Variants in ERMARD observed in about 807,000 individuals in gnomAD.
The protein encoded by ERMARD is endoplasmic reticulum membrane-associated RNA degradation protein.
Under a neutral mutation model 83.9 loss-of-function variants are expected in ERMARD, and 71 were observed. The observed-to-expected ratio is 0.85, with a 90% CI of 0.70 to 1.03. The LOEUF (loss-of-function observed/expected upper bound fraction) is 1.03. Ranked by LOEUF, ERMARD falls within the 50% of genes least tolerant of loss-of-function variation. The probability of loss-of-function intolerance (pLI) is 0.00; values close to 1 mark genes in which losing one functional copy is unlikely to be tolerated. For missense variants in ERMARD, 838 were observed against 810.9 expected, an observed-to-expected ratio of 1.03 and a Z score of -0.41; for synonymous variants, 284 against 298.6, an observed-to-expected ratio of 0.95 and a Z score of 0.50.
intron 9 of ERMARD, among the ~76,000 whole-genome samples, chr6:169,765,026 T>C (rs116875984): frequency 0.022 from 3,428 of 152,372 alleles, 55 homozygotes; most frequent in Non-Finnish European, 0.035. Context: ...CTGCTGCCCA[T>C]GCCCAGTGCC....
intron 11 of ERMARD, 103 bp from the exon 12 acceptor site, chr6:169,769,437 A>G (rs1039156313): frequency 8.7e-5 from 96 of 1,101,448 alleles, no homozygotes; most frequent in Non-Finnish European, 1.1e-4. Context: ...CCAGGGCTTC[A>G]GAGGACTTGA....
rs879599168 is a variant in ERMARD, at chr6:169,776,498, A to G, written c.1564A>G (p.Thr522Ala). 2 of 1,613,866 alleles carry G rather than the reference A, an allele frequency of 1.2e-6. No homozygotes were observed. Among genetic ancestry groups the G allele is most frequent in the Middle Eastern group, 3.3e-4 (2 of 6,062 alleles). ...TGAGCTCTGCAGCACACCTGTTCCC[A>G]CCCTGTTCTGCCCCAGGATTGTGCT... ...LRELCSTPVPTLFCPRIVLEV... is the reference protein window; with the variant it reads ...LRELCSTPVPALFCPRIVLEV... Residue 522 changes from threonine (T) to alanine (A), a missense_variant, in exon 16 of 18, where the codon ACC (threonine) becomes GCC (alanine). Physicochemically the swap from Thr to Ala is moderately conservative, Grantham distance 58 (BLOSUM62 0). Transcript: ENST00000366773.
Position 169,760,630 on chromosome 6 carries a change from G to A in ERMARD, c.743-12G>A. On this transcript the variant is annotated splice_polypyrimidine_tract_variant and intron_variant, in intron 7 of 17. Transcript: ENST00000366773. ...AGTATGATTGTGTTTAAAACCGTGTGTTATTTTACAGATGTTACTTATGAG... is the reference window on the plus strand; with the variant it reads ...AGTATGATTGTGTTTAAAACCGTGTATTATTTTACAGATGTTACTTATGAG... 2 of 1,545,748 alleles carry A rather than the reference G, an allele frequency of 1.3e-6. No individual in the cohort carries two copies. Among genetic ancestry groups the A allele is most frequent in the South Asian group, 1.1e-5 (1 of 89,052 alleles).
chr6:169,759,409 C>A (rs559648475), intron 6 of ERMARD, among the ~76,000 whole-genome samples: 1 of 151,974 alleles, frequency 6.6e-6, no homozygotes. Context: ...ATTCCTACAT[C>A]GAGAGAATTT....
rs570599031 is a variant in ERMARD at position 169,751,862 on chromosome 6, C to G, written c.6+199C>G. ...ACGCTCGGCCCTGCAAGACGCCTGGCGGGCCCTGCCGGCCTCCCTGGGCCA... is the reference window on the plus strand; with the variant it reads ...ACGCTCGGCCCTGCAAGACGCCTGGGGGGCCCTGCCGGCCTCCCTGGGCCA... On this transcript the variant is annotated intron_variant, in intron 1 of 17. Coordinates refer to ENST00000366773, the MANE Select transcript of ERMARD (RefSeq NM_018341.3). The G allele has an allele frequency of 1.6e-4, 116 of 734,734 alleles. No homozygotes were observed. In the African/African-American group the frequency reaches 2.0e-3, roughly 13 times the overall value. The allele number at this position is 734,734 out of a possible 1,614,324, so 45.5% of individuals were successfully genotyped here.
At chr6:169,751,443 G>C, upstream of ERMARD, 1 of 1,613,998 alleles carries the variant, frequency 6.2e-7, no homozygotes, top group Admixed American at 1.7e-5. Flanking sequence ...TTCACGCCTC[G>C]GCCTCGCTTC....
chr6:169,775,772 G>A (rs548218065), intron 14 of ERMARD, 168 bp from the exon 15 acceptor site: 17 of 869,582 alleles, frequency 2.0e-5, no homozygotes, highest in East Asian at 1.9e-4. Flanking sequence ...ATATGGCATC[G>A]TTTGTTTCTC....
chr6:169,772,769 T>C (rs1415114365), intron 12 of ERMARD, among the ~76,000 whole-genome samples: 2 of 62,488 alleles, frequency 3.2e-5, no homozygotes, highest in Non-Finnish European at 5.0e-5. Flanking sequence ...AGACTCTGTC[T>C]CAAAAAAAAA....
chr6:169,774,973 G>A (rs1039226108), intron 13 of ERMARD, among the ~76,000 whole-genome samples: 2 of 152,162 alleles, frequency 1.3e-5, no homozygotes, highest in African/African-American at 2.4e-5. Context: ...CAGGCCAGTC[G>A]CCAGAGCTCG....
intron 2 of ERMARD, among the ~76,000 whole-genome samples, chr6:169,754,288 G>A (rs1229516053): frequency 6.6e-6 from 1 of 151,914 alleles, no homozygotes; most frequent in Non-Finnish European, 1.5e-5. Context: ...GGGCTGGTGG[G>A]CTGTTGATGA....
Position 169,779,270 on chromosome 6 carries a change from G to T in ERMARD, c.1828G>T (p.Ala610Ser), listed in dbSNP as rs751682550. 63 of 1,614,214 alleles carry T rather than the reference G, an allele frequency of 3.9e-5. No individual in the cohort carries two copies. In the South Asian group the frequency reaches 6.6e-4, roughly 17 times the overall value. The part of the protein sequence containing the change: ...VNIHAVCGKN[A>S]HEYQQYLKFV... Reference sequence around the variant, plus strand: ...CATTCATGCTGTTTGTGGGAAGAATGCGCATGAGTATCAGCAGTACCTAAA... The same window carrying T: ...CATTCATGCTGTTTGTGGGAAGAATTCGCATGAGTATCAGCAGTACCTAAA... The change falls in exon 17 of 18, where the codon GCG (alanine) becomes TCG (serine). Residue 610 changes from alanine to serine, a missense_variant. Coordinates refer to ENST00000366773, the MANE Select transcript of ERMARD (RefSeq NM_018341.3).
intron 8 of ERMARD, among the ~76,000 whole-genome samples, chr6:169,761,086 C>G (rs1244090704): frequency 2.0e-5 from 3 of 152,176 alleles, no homozygotes; most frequent in Non-Finnish European, 4.4e-5. Flanking sequence ...GTTTCTGTTT[C>G]CTGAGGAGCA....
intron 9 of ERMARD, among the ~76,000 whole-genome samples, chr6:169,764,751 G>A (rs1791989819): frequency 6.6e-6 from 1 of 152,134 alleles, no homozygotes; most frequent in African/African-American, 2.4e-5. Flanking sequence ...GGATACCTCA[G>A]TGAAATTTAG....
In ERMARD at chr6:169,759,842, T is replaced by C; in HGVS notation, c.610T>C (p.Cys204Arg). ...ASPEEIPPKY[C>R]SMMILLTAGL... ...GATCTCTATGGTATTTCCTAGATAC[T>C]GTTCAATGATGATACTGTTGACGGC... Residue 204 changes from cysteine to arginine, a missense_variant, in exon 7 of 18, where the codon TGT becomes CGT. Transcript: ENST00000366773. 6.2e-7 allele frequency: 1 copy of C among 1,613,852 alleles called. No individual in the cohort carries two copies. Among genetic ancestry groups the C allele is most frequent in the Non-Finnish European group, 8.5e-7 (1 of 1,179,734 alleles).
At chr6:169,760,422 CT>C (rs1289184045) in intron 7 of ERMARD, among the ~76,000 whole-genome samples, 4 of 152,144 alleles carry the variant, frequency 2.6e-5, no homozygotes, top group Non-Finnish European at 5.9e-5. Context: ...GAACTGTTGC[CT>C]AAGTCACTGA....
chr6:169,763,859 G>A (rs1284004714), intron 9 of ERMARD, among the ~76,000 whole-genome samples: 4 of 152,242 alleles, frequency 2.6e-5, no homozygotes, highest in East Asian at 1.9e-4. Flanking sequence ...CCCCGGAGCC[G>A]GGCTCCCCAG....
Position 169,756,378 on chromosome 6 carries a change from C to T in ERMARD, c.356C>T (p.Ser119Phe), listed in dbSNP as rs771802042. ...EIFDALESLQSPAISLSLMKL... is the reference protein window; with the variant it reads ...EIFDALESLQFPAISLSLMKL... ...TTTGATGCCTTGGAAAGTCTACAAT[C>T]TCCTGCTATTTCTCTTAGCTTAATG... Residue 119 changes from serine (S) to phenylalanine (F), a missense_variant, in exon 4 of 18, where the codon TCT (serine) becomes TTT (phenylalanine). Transcript: ENST00000366773. 1.9e-6 allele frequency: 3 copies of T among 1,611,802 alleles called. No individual in the cohort carries two copies. Among genetic ancestry groups the T allele is most frequent in the South Asian group, 2.2e-5 (2 of 90,584 alleles).
chr6:169,753,196 AT>A (rs2128339710), intron 1 of ERMARD: 1 of 154,574 alleles, frequency 6.5e-6, no homozygotes, highest in East Asian at 1.9e-4. Context: ...GTCTAAAGTT[AT>A]CCCCAGTAAA....
intron 14 of ERMARD, 93 bp downstream of exon 14, chr6:169,775,439 A>G: frequency 7.1e-7 from 1 of 1,410,030 alleles, no homozygotes; most frequent in South Asian, 1.2e-5. Flanking sequence ...GTGGGAAGAT[A>G]AAAGGGGAAG....
Sources: allele counts gnomAD v4.1 joint callset (sites outside exome capture counted in the v4.1 genomes callset), GRCh38; gene constraint gnomAD v4.1.1; transcripts MANE v1.5; gene names NCBI Gene and HGNC (gene_info 2026-07-23, HGNC 2026-07-21).